UNC5B: variants seen among roughly 807,000 people sequenced by gnomAD.
UNC5B encodes netrin receptor UNC5B.
In UNC5B, 56 loss-of-function variants were observed where a neutral mutation model predicts 103.7. That is an observed-to-expected ratio of 0.54 (90% CI 0.44 to 0.67). The LOEUF (loss-of-function observed/expected upper bound fraction) is 0.67. Among genes scored for constraint, UNC5B ranks in the 30% least tolerant of loss-of-function variants. UNC5B has a pLI of 0.00. For missense variants in UNC5B, 1,194 were observed against 1,284.5 expected (o/e 0.93, Z 1.08); for synonymous variants, 577 against 542.0 (o/e 1.06, Z -0.90).
chr10:71,213,675 A>AATTATTTATT lies in UNC5B; in HGVS notation c.79+617_79+618insTATTATTATT, dbSNP rs1554858438. Among the ~76,000 whole-genome samples, 132 of 133,256 alleles carry AATTATTTATT rather than the reference A, an allele frequency of 9.9e-4. 1 individual carries two copies. The highest frequency in any genetic ancestry group is 3.6e-3 in the African/African-American group (123 of 34,640). 87.4% of individuals were successfully genotyped at this position (133,256 alleles called of 152,430 possible). A position where few individuals can be genotyped will look rare whatever the true frequency, so the allele number is the denominator to read the frequency against. On this transcript the variant is annotated intron_variant, in intron 1 of 16. Transcript: ENST00000335350. The surrounding 1 kb of genome is among the most constrained non-coding windows in gnomAD (Gnocchi z 4.1). The stretch of plus-strand genomic sequence containing the variant: ...ATCGCTGGGCCCGCAGGTCTGGAAG[A>AATTATTTATT]ATTATTATTATTATTATTATTATTA...
intron 8 of UNC5B, among the ~76,000 whole-genome samples, chr10:71,290,079 AACTTAT>A (rs1205512849): frequency 1.3e-5 from 2 of 152,344 alleles, no homozygotes; most frequent in African/African-American, 4.8e-5. Flanking sequence ...AAGCCGTTCA[AACTTAT>A]ACTTAGCTTA....
At chr10:71,277,620 A>C (rs1389172457) in intron 1 of UNC5B, among the ~76,000 whole-genome samples, 2 of 152,216 alleles carry the variant, frequency 1.3e-5, no homozygotes, top group African/African-American at 4.8e-5. Flanking sequence ...GTTGTGATCA[A>C]GTCACTGTGT....
rs753502950 is a variant in UNC5B at position 71,293,401 on chromosome 10, C to T, written c.1773-4C>T. ...CCTCTCTCCTACCCTGTGTCCTCCT[C>T]CAGCCCGCTTTCAGAAGGGACCCAG... On this transcript the variant is annotated splice_polypyrimidine_tract_variant and splice_region_variant and intron_variant, in intron 11 of 16. Coordinates refer to ENST00000335350, the MANE Select transcript of UNC5B (RefSeq NM_170744.5). The T allele has an allele frequency of 2.5e-6, 4 of 1,611,030 alleles. No homozygotes were observed. The East Asian group carries it at 8.9e-5, about 36-fold the overall frequency.
intron 1 of UNC5B, among the ~76,000 whole-genome samples, chr10:71,223,072 C>T (rs1284063431): frequency 6.6e-6 from 1 of 152,168 alleles, no homozygotes; most frequent in African/African-American, 2.4e-5. Context: ...ATGGGGCAGC[C>T]TGCGTTCTTT....
chr10:71,224,415 A>ACACACACACACG lies in UNC5B; in HGVS notation c.79+11352_79+11353insACACACACACGC, dbSNP rs1354437814. Among the ~76,000 whole-genome samples, 70 of 149,564 alleles carry ACACACACACACG rather than the reference A, an allele frequency of 4.7e-4. 3 individuals carry two copies. The highest frequency in any genetic ancestry group is 1.5e-3 in the African/African-American group (60 of 40,186). ...CACACACACACACACACACACACAC[A>ACACACACACACG]CGAAATGACAGCAGAAAAAGCCCCA... On this transcript the variant is annotated intron_variant, in intron 1 of 16. Transcript: ENST00000335350.
chr10:71,219,879 T>G (rs1481104421), intron 1 of UNC5B, among the ~76,000 whole-genome samples: 1 of 152,154 alleles, frequency 6.6e-6, no homozygotes, highest in Non-Finnish European at 1.5e-5. Context: ...AGGTGATGAG[T>G]GCCAGACCTT....
chr10:71,227,794 T>C (rs1422049039), intron 1 of UNC5B, among the ~76,000 whole-genome samples: 3 of 149,932 alleles, frequency 2.0e-5, no homozygotes, highest in Non-Finnish European at 4.4e-5. Context: ...GGGGAAACAC[T>C]AAAGGTACTT....
At chr10:71,281,732 C>G (rs1844935011) in intron 2 of UNC5B, among the ~76,000 whole-genome samples, 1 of 152,258 alleles carries the variant, frequency 6.6e-6, no homozygotes, top group Admixed American at 6.5e-5. Flanking sequence ...GTCACTCAAC[C>G]TCTCTGAGCC....
At chr10:71,269,776 G>A (rs999269400) in intron 1 of UNC5B, among the ~76,000 whole-genome samples, 1 of 151,952 alleles carries the variant, frequency 6.6e-6, no homozygotes, top group African/African-American at 2.4e-5. Flanking sequence ...TCATTCCAGA[G>A]GGAGGTGAGC....
chr10:71,259,385 CAA>C (rs57245329), intron 1 of UNC5B, among the ~76,000 whole-genome samples: 8,946 of 90,142 alleles, frequency 0.099, 333 homozygotes, highest in Admixed American at 0.14. Context: ...GACTCCATCT[CAA>C]AAAAAAAAAA....
chr10:71,249,671 A>G (rs150499523), intron 1 of UNC5B, among the ~76,000 whole-genome samples: 1 of 152,116 alleles, frequency 6.6e-6, no homozygotes, highest in African/African-American at 2.4e-5. Flanking sequence ...TCTCTCTCCC[A>G]CAGCCACAAA....
Position 71,213,121 on chromosome 10 carries a change from G to A in UNC5B, c.79+57G>A. 3 of 1,211,382 alleles carry A rather than the reference G, an allele frequency of 2.5e-6. No individual in the cohort carries two copies. Among genetic ancestry groups the A allele is most frequent in the South Asian group, 7.5e-5 (2 of 26,808 alleles). The allele number at this position is 1,211,382 out of a possible 1,614,324, so 75.0% of individuals were successfully genotyped here. ...CTAGGGGACCCTTGCGCCTCACTCT[G>A]TCCTGAAGTTGAGGTGGTCTTTCGT... On this transcript the variant is annotated intron_variant, in intron 1 of 16. Coordinates refer to ENST00000335350, the MANE Select transcript of UNC5B (RefSeq NM_170744.5). This position sits in a 1 kb window ranked among gnomAD's most constrained non-coding sequence, Gnocchi z 4.1.
chr10:71,281,726 C>G (rs7903679), intron 2 of UNC5B, among the ~76,000 whole-genome samples: 36,476 of 152,244 alleles, frequency 0.24, 5,337 homozygotes, highest in African/African-American at 0.41. Flanking sequence ...GGGGAAGTCA[C>G]TCAACCTCTC....
rs947761144 is a variant in UNC5B, at chr10:71,256,640, C to A, written c.80-23181C>A. 2.0e-5 allele frequency among the ~76,000 whole-genome samples: 3 copies of A among 152,340 alleles called. No individual in the cohort carries two copies. The East Asian group carries it at 5.8e-4, about 29-fold the overall frequency. On this transcript the variant is annotated intron_variant, in intron 1 of 16. Coordinates refer to ENST00000335350, the MANE Select transcript of UNC5B (RefSeq NM_170744.5). The stretch of plus-strand genomic sequence containing the variant: ...GTGGCACTTCCTGGCAGCCCAGTCC[C>A]CAGACTGGCTTCTCCAGGGCCCCCA...
Position 71,249,937 on chromosome 10 carries a change from T to A in UNC5B, c.80-29884T>A, listed in dbSNP as rs113478650. Among the ~76,000 whole-genome samples the A allele has an allele frequency of 7.7e-3, 1,177 of 152,202 alleles. 17 individuals are homozygous for A. Among genetic ancestry groups the A allele is most frequent in the African/African-American group, 0.027 (1,122 of 41,554 alleles). On this transcript the variant is annotated intron_variant, in intron 1 of 16. Coordinates refer to ENST00000335350, the MANE Select transcript of UNC5B (RefSeq NM_170744.5). ...GGCTGTGGTTCTGGTTGGGATGGGGTGGGGACGTGGTTCCTCTCCCCAAGC... is the reference window on the plus strand; with the variant it reads ...GGCTGTGGTTCTGGTTGGGATGGGGAGGGGACGTGGTTCCTCTCCCCAAGC...
chr10:71,250,216 G>A (rs1448179173), intron 1 of UNC5B, among the ~76,000 whole-genome samples: 2 of 152,326 alleles, frequency 1.3e-5, no homozygotes, highest in Middle Eastern at 3.4e-3. Context: ...AGTGCCGGTG[G>A]GGGAGACATC....
chr10:71,290,773 C>A, intron 8 of UNC5B, 142 bp from the exon 9 acceptor site: 1 of 1,015,406 alleles, frequency 9.8e-7, no homozygotes, highest in African/African-American at 1.6e-5. Flanking sequence ...AGGTTGCCAG[C>A]CTGTGTAGGC....
At chr10:71,233,317 C>T (rs943408847) in intron 1 of UNC5B, among the ~76,000 whole-genome samples, 1 of 152,068 alleles carries the variant, frequency 6.6e-6, no homozygotes, top group Non-Finnish European at 1.5e-5. Context: ...TGAGGTGGCC[C>T]CATCACGGGG....
Position 71,299,378 on chromosome 10 carries a change from G to C in UNC5B, c.*101G>C. On this transcript the variant is annotated 3_prime_UTR_variant, in exon 17 of 17. Transcript: ENST00000335350. ...GATGTTTGGCCTCTGCTTCCTCCCA[G>C]TTCACAGCCAGAGTTGCCTCTCCTC... The C allele has an allele frequency of 6.8e-7, 1 of 1,474,434 alleles. No homozygotes were observed. Among genetic ancestry groups the C allele is most frequent in the Non-Finnish European group, 9.2e-7 (1 of 1,088,978 alleles). 91.3% of individuals were successfully genotyped at this position (1,474,434 alleles called of 1,614,324 possible).
Sources: allele counts gnomAD v4.1 joint callset (sites outside exome capture counted in the v4.1 genomes callset), GRCh38; gene constraint gnomAD v4.1.1; non-coding constraint Gnocchi (gnomAD v3.1); transcripts MANE v1.5; gene names NCBI Gene and HGNC (gene_info 2026-07-23, HGNC 2026-07-21).